Variants in PLCB1 observed in about 807,000 individuals in gnomAD.
PLCB1 encodes 1-phosphatidylinositol 4,5-bisphosphate phosphodiesterase beta-1.
Under a neutral mutation model 161.8 loss-of-function variants are expected in PLCB1, and 46 were observed. That is an observed-to-expected ratio of 0.28 (90% confidence interval 0.22 to 0.36). The LOEUF is 0.36. Ranked by LOEUF, PLCB1 falls within the 10% of genes least tolerant of loss-of-function variation. The pLI is 1.00. For synonymous variants in PLCB1, 517 were observed against 503.7 expected (o/e 1.03, Z -0.35); for missense variants, 1,016 against 1,472.5 (o/e 0.69, Z 5.07).
chr20:8,596,015 G>A (rs1987333646), intron 3 of PLCB1, among the ~76,000 whole-genome samples: 1 of 127,930 alleles, frequency 7.8e-6, no homozygotes, highest in Admixed American at 7.6e-5. Flanking sequence ...TGTGTCAGAT[G>A]AGTAGGTTGC....
chr20:8,737,217 G>A (rs2123510695), intron 20 of PLCB1, 25 bp downstream of exon 20: 3 of 1,569,302 alleles, frequency 1.9e-6, no homozygotes, highest in Non-Finnish European at 2.6e-6. Flanking sequence ...CTTGATATGA[G>A]TTATAACTGC....
At chr20:8,752,423 A>T (rs1346989209) in intron 23 of PLCB1, 1 of 152,218 alleles carries the variant, frequency 6.6e-6, no homozygotes, top group African/African-American at 2.4e-5. Context: ...GCTGTTGTAT[A>T]TAACAGTGTC....
chr20:8,139,598 G>T (rs1299337262), intron 1 of PLCB1, among the ~76,000 whole-genome samples: 1 of 151,834 alleles, frequency 6.6e-6, no homozygotes, highest in Non-Finnish European at 1.5e-5. Context: ...CATTTTTTTT[G>T]GAAGTTGTCT....
intron 15 of PLCB1, 63 bp downstream of exon 15, chr20:8,722,484 C>T: frequency 8.4e-7 from 1 of 1,197,102 alleles, no homozygotes; most frequent in Non-Finnish European, 1.1e-6. Flanking sequence ...CTGGGTCTGT[C>T]TCATGGTCAC....
chr20:8,300,058 G>A (rs1216786893), intron 2 of PLCB1, among the ~76,000 whole-genome samples: 4 of 152,148 alleles, frequency 2.6e-5, no homozygotes, highest in Non-Finnish European at 4.4e-5. Flanking sequence ...GACCTTGGCT[G>A]AGCTCACTCA....
chr20:8,393,359 T>G (rs1987666459), intron 3 of PLCB1, among the ~76,000 whole-genome samples: 2 of 152,126 alleles, frequency 1.3e-5, no homozygotes, highest in Non-Finnish European at 1.5e-5. Context: ...AGTGAGTTCC[T>G]TGGAATACTA....
intron 3 of PLCB1, among the ~76,000 whole-genome samples, chr20:8,520,889 G>A (rs896913346): frequency 3.3e-5 from 5 of 152,030 alleles, no homozygotes; most frequent in Non-Finnish European, 7.4e-5. Context: ...AAACACTGTG[G>A]GAAGTAAGCT....
chr20:8,400,043 G>A (rs1978479884), intron 3 of PLCB1, among the ~76,000 whole-genome samples: 1 of 152,120 alleles, frequency 6.6e-6, no homozygotes, highest in Non-Finnish European at 1.5e-5. Context: ...CATCTGCCCT[G>A]TGCTTTTTAA....
intron 2 of PLCB1, among the ~76,000 whole-genome samples, chr20:8,285,387 A>G (rs1983067142): frequency 6.6e-6 from 1 of 152,054 alleles, no homozygotes; most frequent in Non-Finnish European, 1.5e-5. Flanking sequence ...CATAGAGACT[A>G]TGAAGTAGGC....
At chr20:8,490,303 G>A (rs1043147633) in intron 3 of PLCB1, among the ~76,000 whole-genome samples, 1 of 152,182 alleles carries the variant, frequency 6.6e-6, no homozygotes, top group African/African-American at 2.4e-5. Flanking sequence ...CCAGAATCTG[G>A]AGTGCAGAGC....
At chr20:8,335,080 G>A (rs1985522927) in intron 2 of PLCB1, among the ~76,000 whole-genome samples, 1 of 152,152 alleles carries the variant, frequency 6.6e-6, no homozygotes, top group East Asian at 1.9e-4. Context: ...TTTTCCTATT[G>A]CCTGGGGAGT....
chr20:8,256,790 G>A (rs926306009), intron 2 of PLCB1: 2 of 151,984 alleles, frequency 1.3e-5, no homozygotes, highest in Non-Finnish European at 2.9e-5. Context: ...CCTGCTTCTG[G>A]CTGAGCTCCT....
chr20:8,242,809 G>T (rs947097331), intron 2 of PLCB1, among the ~76,000 whole-genome samples: 2 of 151,838 alleles, frequency 1.3e-5, no homozygotes, highest in Non-Finnish European at 2.9e-5. Context: ...GAAGGAGGAG[G>T]AACCTGAATG....
chr20:8,240,967 T>C (rs1226619842), intron 2 of PLCB1, among the ~76,000 whole-genome samples: 1 of 151,970 alleles, frequency 6.6e-6, no homozygotes, highest in African/African-American at 2.4e-5. Flanking sequence ...GAAGTATAAT[T>C]GCCAAATTAT....
intron 2 of PLCB1, among the ~76,000 whole-genome samples, chr20:8,188,863 G>A (rs1184437734): frequency 1.3e-5 from 2 of 152,118 alleles, no homozygotes; most frequent in African/African-American, 4.8e-5. Flanking sequence ...ACAGTATTGT[G>A]TAGCAGACTG....
intron 2 of PLCB1, among the ~76,000 whole-genome samples, chr20:8,199,122 T>C (rs2052061965): frequency 6.6e-6 from 1 of 152,132 alleles, no homozygotes; most frequent in Non-Finnish European, 1.5e-5. Flanking sequence ...TTGCTTTTAA[T>C]AATAGATATA....
intron 3 of PLCB1, among the ~76,000 whole-genome samples, chr20:8,534,553 A>G (rs752144491): frequency 1.9e-4 from 28 of 150,898 alleles, no homozygotes; most frequent in Non-Finnish European, 2.9e-5. Context: ...CTGCTGAGAG[A>G]TCTCTGCCCT....
intron 3 of PLCB1, among the ~76,000 whole-genome samples, chr20:8,397,471 A>G (rs1421807112): frequency 6.6e-6 from 1 of 152,132 alleles, no homozygotes; most frequent in South Asian, 2.1e-4. Flanking sequence ...AATTATATAA[A>G]GAAGAATGCT....
chr20:8,762,963 A>G (rs1487430947), intron 25 of PLCB1, among the ~76,000 whole-genome samples: 1 of 152,198 alleles, frequency 6.6e-6, no homozygotes, highest in Non-Finnish European at 1.5e-5. Context: ...AGGACATTCA[A>G]TTCAAACCAT....
Sources: allele counts gnomAD v4.1 joint callset (sites outside exome capture counted in the v4.1 genomes callset), GRCh38; gene constraint gnomAD v4.1.1; transcripts MANE v1.5; gene names NCBI Gene and HGNC (gene_info 2026-07-23, HGNC 2026-07-21).